Variants in CTIF observed in about 807,000 individuals in gnomAD.
CTIF encodes the protein cap binding complex dependent translation initiation factor, also known as CBP80/20-dependent translation initiation factor.
CTIF carries 21 observed loss-of-function variants against 66.0 expected under a neutral mutation model. The observed-to-expected ratio is 0.32, with a 90% CI of 0.23 to 0.46. The LOEUF is 0.46. CTIF is among the 20% of genes least tolerant of loss of function. The pLI is 1.00. For synonymous variants in CTIF, 345 were observed against 326.4 expected (o/e 1.06, Z -0.62); for missense variants, 739 against 812.7 (o/e 0.91, Z 1.10).
chr18:48,667,438 C>T (rs569382896), intron 5 of CTIF, among the ~76,000 whole-genome samples: 22 of 152,220 alleles, frequency 1.4e-4, no homozygotes, highest in Non-Finnish European at 2.1e-4. Context: ...CTGTGTGCCC[C>T]GGGAGCACAT....
chr18:48,644,122 C>G (rs1421657716), intron 3 of CTIF, among the ~76,000 whole-genome samples: 1 of 152,204 alleles, frequency 6.6e-6, no homozygotes, highest in Non-Finnish European at 1.5e-5. Context: ...CACGGCAAGT[C>G]TTTTTAAGCT....
intron 1 of CTIF, among the ~76,000 whole-genome samples, chr18:48,555,480 G>T (rs1254171824): frequency 1.3e-5 from 2 of 152,218 alleles, no homozygotes; most frequent in South Asian, 2.1e-4. Flanking sequence ...TGCCCAAAGT[G>T]ACTGTGATGG....
At chr18:48,664,322 C>A in intron 4 of CTIF, 125 bp from the exon 5 acceptor site, 2 of 804,840 alleles carry the variant, frequency 2.5e-6, no homozygotes, top group Non-Finnish European at 4.2e-6. Context: ...TGGGGCTCCC[C>A]GCCTGGCCCC....
intron 1 of CTIF, among the ~76,000 whole-genome samples, chr18:48,615,723 C>T (rs975097287): frequency 6.6e-6 from 1 of 152,154 alleles, no homozygotes; most frequent in Non-Finnish European, 1.5e-5. Context: ...TGCCAGGGGC[C>T]GGGGGCTTCC....
Position 48,758,018 on chromosome 18 carries a change from G to C in CTIF, c.684G>C (p.Gln228His). ...KHNRDHQKSYQGGSAPHPSGR... is the reference protein window; with the variant it reads ...KHNRDHQKSYHGGSAPHPSGR... ...ACAGGGACCACCAGAAATCCTACCA[G>C]GGGGGCTCAGCACCCCACCCCTCAG... The change falls in exon 8 of 12, where the codon CAG (glutamine) becomes CAC (histidine). Residue 228 changes from glutamine to histidine, a missense_variant. Transcript: ENST00000256413. 1 of 1,613,996 alleles carries C rather than the reference G, an allele frequency of 6.2e-7. No individual in the cohort carries two copies. Among genetic ancestry groups the C allele is most frequent in the Non-Finnish European group, 8.5e-7 (1 of 1,179,986 alleles).
At chr18:48,709,550 C>T (rs546630687) in intron 6 of CTIF, among the ~76,000 whole-genome samples, 72 of 152,342 alleles carry the variant, frequency 4.7e-4, no homozygotes, top group African/African-American at 1.7e-3. Flanking sequence ...GCCTCAGAGC[C>T]GAGATCCTAG....
chr18:48,817,428 G>C, intron 10 of CTIF, 52 bp downstream of exon 10: 1 of 1,563,168 alleles, frequency 6.4e-7, no homozygotes, highest in South Asian at 1.2e-5. Context: ...CACCAGGTCT[G>C]GAATGCGTCT....
At chr18:48,775,639 G>A (rs887976668) in intron 9 of CTIF, among the ~76,000 whole-genome samples, 1 of 152,276 alleles carries the variant, frequency 6.6e-6, no homozygotes, top group Non-Finnish European at 1.5e-5. Flanking sequence ...CACATAAAGG[G>A]GGGCAGGGCC....
At chr18:48,679,736 C>A (rs1375364993) in intron 6 of CTIF, among the ~76,000 whole-genome samples, 1 of 152,196 alleles carries the variant, frequency 6.6e-6, no homozygotes, top group Non-Finnish European at 1.5e-5. Flanking sequence ...CATCAGCCCA[C>A]AGAGGTTTCT....
rs147351949 is a variant in CTIF at position 48,645,357 on chromosome 18, A to C, written c.252+8672A>C. Among the ~76,000 whole-genome samples, 277 of 152,074 alleles carry C rather than the reference A, an allele frequency of 1.8e-3. 2 individuals are homozygous for C. In the East Asian group the frequency reaches 0.027, roughly 15 times the overall value. ...GAAAAGAGAAAAAGATAGGATAGAGAAGAAGGAAAATGATAGGAAAAGATC... is the reference window on the plus strand; with the variant it reads ...GAAAAGAGAAAAAGATAGGATAGAGCAGAAGGAAAATGATAGGAAAAGATC... On this transcript the variant is annotated intron_variant, in intron 3 of 11. Coordinates refer to ENST00000256413, the MANE Select transcript of CTIF (RefSeq NM_014772.3).
At chr18:48,712,625 C>T (rs907612368) in intron 7 of CTIF, among the ~76,000 whole-genome samples, 6 of 152,180 alleles carry the variant, frequency 3.9e-5, no homozygotes, top group African/African-American at 7.2e-5. Context: ...ATAAAGATGA[C>T]GGCTTTTGGT....
intron 10 of CTIF, among the ~76,000 whole-genome samples, chr18:48,827,533 G>C (rs1181136140): frequency 6.6e-6 from 1 of 152,204 alleles, no homozygotes; most frequent in Non-Finnish European, 1.5e-5. Flanking sequence ...GACTGTAACG[G>C]TCAAACAAAA....
At chr18:48,767,811 T>A (rs1220116280) in intron 9 of CTIF, among the ~76,000 whole-genome samples, 3 of 152,150 alleles carry the variant, frequency 2.0e-5, no homozygotes, top group Admixed American at 2.0e-4. Flanking sequence ...TCTGGCTGGG[T>A]CATCATCAAG....
chr18:48,569,244 A>G (rs1242785644), intron 1 of CTIF, among the ~76,000 whole-genome samples: 1 of 152,216 alleles, frequency 6.6e-6, no homozygotes, highest in African/African-American at 2.4e-5. Context: ...CCTGTAACAC[A>G]TTTCTTCAGG....
chr18:48,771,137 C>T (rs1221116585), intron 9 of CTIF, among the ~76,000 whole-genome samples: 2 of 152,228 alleles, frequency 1.3e-5, no homozygotes, highest in Admixed American at 6.5e-5. Context: ...GGAAACCTTC[C>T]CTGATCTCCC....
chr18:48,675,433 A>G (rs2091611093), intron 6 of CTIF, among the ~76,000 whole-genome samples: 2 of 152,144 alleles, frequency 1.3e-5, no homozygotes, highest in Admixed American at 6.5e-5. Context: ...GCACCAGCGC[A>G]CCACTCTGCA....
intron 1 of CTIF, among the ~76,000 whole-genome samples, chr18:48,542,141 G>A (rs1212271431): frequency 6.6e-6 from 1 of 152,200 alleles, no homozygotes; most frequent in East Asian, 1.9e-4. Context: ...CATTCCTAAT[G>A]AGAGCAGCCA....
chr18:48,641,864 A>G (rs544911016), intron 3 of CTIF, among the ~76,000 whole-genome samples: 8 of 152,312 alleles, frequency 5.3e-5, no homozygotes, highest in African/African-American at 1.9e-4. Flanking sequence ...CTATATGGGC[A>G]CCAACATTGA....
At chr18:48,614,350 C>G (rs2090359916) in intron 1 of CTIF, among the ~76,000 whole-genome samples, 1 of 152,184 alleles carries the variant, frequency 6.6e-6, no homozygotes, top group Non-Finnish European at 1.5e-5. Flanking sequence ...TGGAACTTTT[C>G]TAGGTGGATA....
Sources: allele counts gnomAD v4.1 joint callset (sites outside exome capture counted in the v4.1 genomes callset), GRCh38; gene constraint gnomAD v4.1.1; transcripts MANE v1.5; gene names NCBI Gene and HGNC (gene_info 2026-07-23, HGNC 2026-07-21).